The following EXOSC7 variants were observed in gnomAD, a reference collection of about 807,000 sequenced individuals.
EXOSC7 encodes the protein exosome component 7, also known as exosome complex component RRP42.
In EXOSC7, 25 loss-of-function variants were observed where a neutral mutation model predicts 34.3. The observed-to-expected ratio is 0.73, with a 90% CI of 0.53 to 1.02. The LOEUF (loss-of-function observed/expected upper bound fraction) is 1.02, where lower values mean the gene tolerates loss of function less well. Among genes scored for constraint, EXOSC7 ranks in the 50% least tolerant of loss-of-function variants. The probability of loss-of-function intolerance (pLI) is 0.00; values close to 1 mark genes in which losing one functional copy is unlikely to be tolerated. For synonymous variants in EXOSC7, 130 were observed against 143.0 expected (o/e 0.91, Z 0.65); for missense variants, 370 against 368.5 (o/e 1.00, Z -0.03).
intron 6 of EXOSC7, 114 bp from the exon 7 acceptor site, chr3:45,007,306 A>C: frequency 9.4e-7 from 1 of 1,068,240 alleles, no homozygotes; most frequent in Non-Finnish European, 1.3e-6. Context: ...TAAGACCTGG[A>C]ATGACCAGTG....
intron 3 of EXOSC7, among the ~76,000 whole-genome samples, chr3:44,993,598 G>A (rs1706629790): frequency 6.6e-6 from 1 of 152,078 alleles, no homozygotes; most frequent in Non-Finnish European, 1.5e-5. Context: ...GCTGGGAGGG[G>A]TAGCATTCCC....
chr3:45,007,372 T>C (rs771441501), intron 6 of EXOSC7, 48 bp from the exon 7 acceptor site: 1 of 1,607,186 alleles, frequency 6.2e-7, no homozygotes, highest in Non-Finnish European at 8.5e-7. Context: ...GGGGTGGGAC[T>C]CTGGGGCCTG....
downstream of EXOSC7, chr3:45,012,272 A>C (rs1457495160): frequency 6.6e-6 from 1 of 152,206 alleles, no homozygotes; most frequent in Non-Finnish European, 1.5e-5. Context: ...TGCTCTCTGC[A>C]TTCCAGTTAG....
intron 6 of EXOSC7, 26 bp from the exon 7 acceptor site, chr3:45,007,394 G>A (rs184428836): frequency 1.6e-4 from 260 of 1,612,958 alleles, no homozygotes; most frequent in Middle Eastern, 3.3e-4. Context: ...GTGACCCACC[G>A]TGTGCCACGC....
chr3:44,976,826 GTA>G (rs1706056932), intron 1 of EXOSC7, among the ~76,000 whole-genome samples: 1 of 152,234 alleles, frequency 6.6e-6, no homozygotes, highest in African/African-American at 2.4e-5. Context: ...TAGGACGCCT[GTA>G]ATCCCAGCAC....
At chr3:45,006,043 A>G (rs558407281) in intron 6 of EXOSC7, among the ~76,000 whole-genome samples, 1 of 142,082 alleles carries the variant, frequency 7.0e-6, no homozygotes, top group Non-Finnish European at 1.5e-5. Context: ...TTCAGACAAC[A>G]GGATGGCAGG....
intron 7 of EXOSC7, among the ~76,000 whole-genome samples, chr3:45,007,796 A>G (rs758658000): frequency 1.3e-5 from 2 of 152,170 alleles, no homozygotes; most frequent in South Asian, 2.1e-4. Flanking sequence ...ACCAGTAACC[A>G]TTAATTGTCC....
intron 4 of EXOSC7, among the ~76,000 whole-genome samples, chr3:44,999,010 G>T (rs1416099836): frequency 6.6e-6 from 1 of 152,236 alleles, no homozygotes. Context: ...AGACACAAGT[G>T]TGTGGCACAC....
At chr3:45,004,308 T>G (rs774123337) in intron 5 of EXOSC7, 2 of 152,094 alleles carry the variant, frequency 1.3e-5, no homozygotes, top group Non-Finnish European at 2.9e-5. Flanking sequence ...CAGGCTGGAC[T>G]GCAGTGGCGT....
chr3:45,006,495 T>C (rs6441878), intron 6 of EXOSC7, among the ~76,000 whole-genome samples: 84,268 of 141,946 alleles, frequency 0.59, 25,999 homozygotes, highest in East Asian at 0.89. Context: ...CGGCTCACTG[T>C]AAGCTCCGCT....
At chr3:45,005,091 C>T (rs1706995019) in intron 5 of EXOSC7, 200 bp from the exon 6 acceptor site, 2 of 554,510 alleles carry the variant, frequency 3.6e-6, no homozygotes, top group Non-Finnish European at 3.2e-6. Flanking sequence ...GCATCATTTT[C>T]TAAAAGATGC....
chr3:45,007,096 G>T (rs1707070100), intron 6 of EXOSC7, among the ~76,000 whole-genome samples: 1 of 152,136 alleles, frequency 6.6e-6, no homozygotes. Context: ...CGTCCATGTG[G>T]CCTTGTGTGT....
rs763733864 is a variant in EXOSC7 at position 44,997,812 on chromosome 3, C to G, written c.420+560C>G. On this transcript the variant is annotated intron_variant, in intron 4 of 7. Coordinates refer to ENST00000265564, the MANE Select transcript of EXOSC7 (RefSeq NM_015004.4). ...GAACACCTGGTTTGACTTCACTGTG[C>G]CATTGTTTCTTTTAAACACCTCAGA... Among the ~76,000 whole-genome samples the G allele has an allele frequency of 1.6e-4, 24 of 152,106 alleles. No individual in the cohort carries two copies. In the South Asian group the frequency reaches 3.5e-3, roughly 22 times the overall value.
At position 45,005,318 on chromosome 3, in the gene EXOSC7, T is replaced by G. The variant is rs145102813; in HGVS notation, c.519T>G (p.Asp173Glu). Residue 173 changes from aspartate to glutamate, a missense_variant, in exon 6 of 8, where the codon GAT (aspartate) becomes GAG (glutamate). Coordinates refer to ENST00000265564, the MANE Select transcript of EXOSC7 (RefSeq NM_015004.4). ...TACCAAGGGTTCGAGTTTTGGAGGA[T>G]GAAGAGGGGTCGAAGGACATTGAAT... ...TRIPRVRVLE[D>E]EEGSKDIELS... is the part of the protein sequence containing the mutation. 5 of 1,614,062 alleles carry G rather than the reference T, an allele frequency of 3.1e-6. No homozygotes were observed. The African/African-American group carries it at 6.7e-5, about 22-fold the overall frequency.
chr3:44,991,933 G>A (rs1003596057), intron 3 of EXOSC7, among the ~76,000 whole-genome samples: 7 of 152,090 alleles, frequency 4.6e-5, no homozygotes, highest in African/African-American at 7.2e-5. Flanking sequence ...GTAATCAGCC[G>A]GGCAAGTAGA....
chr3:44,989,211 C>T lies in EXOSC7; in HGVS notation c.129C>T (p.Ser43=). The change falls in exon 2 of 8, where the codon TCC becomes TCT. Residue 43 remains serine (S), a synonymous_variant. Transcript: ENST00000265564. ...RCVEVETDVV[S]NTSGSARVKL... is the part of the protein sequence containing the mutation. ...TCGAAGTGGAAACTGATGTGGTGTC[C>T]AACACTAGTGGGTCCGCCAGGGTCA... 2 of 1,613,984 alleles carry T rather than the reference C, an allele frequency of 1.2e-6. No individual in the cohort carries two copies. Among genetic ancestry groups the T allele is most frequent in the Non-Finnish European group, 1.7e-6 (2 of 1,179,916 alleles).
chr3:44,981,443 A>T (rs1170579289), intron 1 of EXOSC7, among the ~76,000 whole-genome samples: 1 of 152,184 alleles, frequency 6.6e-6, no homozygotes, highest in East Asian at 1.9e-4. Context: ...GGCTGTGGTT[A>T]ACACAGAAAA....
chr3:44,994,036 G>A (rs1256063481), intron 3 of EXOSC7, among the ~76,000 whole-genome samples: 1 of 152,146 alleles, frequency 6.6e-6, no homozygotes, highest in Non-Finnish European at 1.5e-5. Flanking sequence ...GTACAGGGAA[G>A]CATAGAAGAT....
At chr3:44,993,304 A>G (rs1322059759) in intron 3 of EXOSC7, among the ~76,000 whole-genome samples, 3 of 152,144 alleles carry the variant, frequency 2.0e-5, no homozygotes, top group African/African-American at 7.2e-5. Flanking sequence ...CAGAGGAATC[A>G]GCCTTAGGGC....
Sources: allele counts gnomAD v4.1 joint callset (sites outside exome capture counted in the v4.1 genomes callset), GRCh38; gene constraint gnomAD v4.1.1; transcripts MANE v1.5; gene names NCBI Gene and HGNC (gene_info 2026-07-23, HGNC 2026-07-21).